The following EYS variants were observed in gnomAD, a reference collection of about 807,000 sequenced individuals.
EYS encodes the protein EGF-like photoreceptor maintenance factor, also known as protein eyes shut homolog.
In EYS, 250 loss-of-function variants were observed where a neutral mutation model predicts 282.1. That is an observed-to-expected ratio of 0.89 (90% CI 0.80 to 0.98). EYS has a LOEUF of 0.98. Among genes scored for constraint, EYS ranks in the 50% least tolerant of loss-of-function variants. The probability of loss-of-function intolerance (pLI) is 0.00; values close to 1 mark genes in which losing one functional copy is unlikely to be tolerated. For synonymous variants in EYS, 1,355 were observed against 1,282.9 expected (o/e 1.06, Z -1.20); for missense variants, 4,016 against 3,709.0 (o/e 1.08, Z -2.15).
chr6:64,168,357 A>T (rs1316379107), intron 31 of EYS, among the ~76,000 whole-genome samples: 1 of 152,228 alleles, frequency 6.6e-6, no homozygotes, highest in Admixed American at 6.5e-5. Flanking sequence ...TTGAATGCAC[A>T]ATGGTGCAGT....
At position 65,705,104 on chromosome 6, in the gene EYS, C is replaced by A. The variant is rs1292020008; in HGVS notation, c.-448+2031G>T. On this transcript the variant is annotated intron_variant, in intron 1 of 42. Transcript: ENST00000503581. ...GCTAGCAAAAACTTGTATGATTAGA[C>A]CACCTTCTCCAGTGTTATATGGGCA... 7.2e-5 allele frequency among the ~76,000 whole-genome samples: 11 copies of A among 152,158 alleles called. No homozygotes were observed. In the East Asian group the frequency reaches 1.9e-3, roughly 27 times the overall value.
At chr6:65,510,881 T>C (rs1041215274) in intron 2 of EYS, among the ~76,000 whole-genome samples, 3 of 152,236 alleles carry the variant, frequency 2.0e-5, no homozygotes, top group Admixed American at 6.5e-5. Flanking sequence ...TTGGTAAATA[T>C]GGTGCAATGT....
intron 26 of EYS, among the ~76,000 whole-genome samples, chr6:64,479,187 C>T (rs1776363436): frequency 6.6e-6 from 1 of 151,882 alleles, no homozygotes; most frequent in Admixed American, 6.6e-5. Flanking sequence ...TTCTTTATGT[C>T]TTTCTAATAA....
At chr6:65,278,735 G>A (rs1159184469) in intron 12 of EYS, among the ~76,000 whole-genome samples, 1 of 151,918 alleles carries the variant, frequency 6.6e-6, no homozygotes, top group Non-Finnish European at 1.5e-5. Flanking sequence ...TGTTTCTATT[G>A]TGCCAGATGA....
intron 30 of EYS, among the ~76,000 whole-genome samples, chr6:64,262,111 T>C: frequency 6.6e-6 from 1 of 152,012 alleles, no homozygotes; most frequent in East Asian, 1.9e-4. Flanking sequence ...ATTGTAAATG[T>C]AATTATGATC....
intron 14 of EYS, among the ~76,000 whole-genome samples, chr6:64,989,936 G>T (rs1394924996): frequency 1.3e-5 from 2 of 150,844 alleles, no homozygotes; most frequent in African/African-American, 4.9e-5. Context: ...TCGTAGGATG[G>T]TTGGCAGAAG....
intron 31 of EYS, among the ~76,000 whole-genome samples, chr6:64,128,214 G>T (rs1470500252): frequency 1.3e-5 from 2 of 152,034 alleles, no homozygotes; most frequent in African/African-American, 4.8e-5. Context: ...AGCTCCTTTG[G>T]ATGTTTCAAT....
At chr6:64,036,506 C>T (rs1770128900) in intron 33 of EYS, among the ~76,000 whole-genome samples, 1 of 152,168 alleles carries the variant, frequency 6.6e-6, no homozygotes, top group Non-Finnish European at 1.5e-5. Flanking sequence ...CAATTTTAAT[C>T]TTAATCTTAT....
At chr6:65,187,584 AT>A in intron 12 of EYS, among the ~76,000 whole-genome samples, 1 of 151,772 alleles carries the variant, frequency 6.6e-6, no homozygotes, top group East Asian at 2.0e-4. Context: ...TTCTGTTATT[AT>A]TTTGTGTTTG....
At chr6:64,158,144 A>G (rs537978066) in intron 31 of EYS, among the ~76,000 whole-genome samples, 1 of 152,268 alleles carries the variant, frequency 6.6e-6, no homozygotes, top group East Asian at 1.9e-4. Context: ...TTTGGGGCTT[A>G]TTTCTGCACA....
chr6:65,460,558 A>C (rs1489262060), intron 5 of EYS, among the ~76,000 whole-genome samples: 1 of 152,070 alleles, frequency 6.6e-6, no homozygotes, highest in African/African-American at 2.4e-5. Context: ...TAATAATGGA[A>C]AAAATGAGAT....
intron 41 of EYS, among the ~76,000 whole-genome samples, chr6:63,740,736 A>T (rs977483612): frequency 2.6e-5 from 4 of 152,230 alleles, no homozygotes; most frequent in African/African-American, 9.6e-5. Context: ...TGTTATGTGC[A>T]TTAAGGTTTT....
chr6:63,914,649 A>G (rs747563449), intron 35 of EYS, among the ~76,000 whole-genome samples: 2 of 151,668 alleles, frequency 1.3e-5, no homozygotes, highest in African/African-American at 2.4e-5. Flanking sequence ...CAGAGATTCC[A>G]GTGAGCCAAG....
chr6:64,648,657 T>TA (rs1458011702), intron 22 of EYS, among the ~76,000 whole-genome samples: 1 of 152,064 alleles, frequency 6.6e-6, no homozygotes, highest in Non-Finnish European at 1.5e-5. Flanking sequence ...AATTACAAGG[T>TA]AAACGATTTA....
In EYS at chr6:64,714,504, T is replaced by TTTTC. The variant is rs1170524195; in HGVS notation, c.3444-88263_3444-88260dup. ...AGCCATTTGACTTATTTGAAACACA[T>TTTTC]TTTCTTTCTTTCTTTTTTTTTTTTT... On this transcript the variant is annotated intron_variant, in intron 22 of 42. Transcript: ENST00000503581. 4.2e-5 allele frequency among the ~76,000 whole-genome samples: 6 copies of TTTTC among 144,320 alleles called. No individual in the cohort carries two copies. In the South Asian group the frequency reaches 8.9e-4, roughly 21 times the overall value. The allele number at this position is 144,320 out of a possible 152,430, so 94.7% of individuals were successfully genotyped here.
At chr6:64,513,194 G>A (rs966523719) in intron 26 of EYS, among the ~76,000 whole-genome samples, 1 of 151,660 alleles carries the variant, frequency 6.6e-6, no homozygotes, top group Non-Finnish European at 1.5e-5. Flanking sequence ...TTTCATAATA[G>A]ATAATTAAAA....
rs117213635 is a variant in EYS at position 65,220,189 on chromosome 6, G to A, written c.2023+75674C>T. On this transcript the variant is annotated intron_variant, in intron 12 of 42. Transcript: ENST00000503581. ...TGTTTACATCAAAAAGACTACTTGC[G>A]ATTTTTAATGACTGTGATTTTATTT... 3.9e-5 allele frequency among the ~76,000 whole-genome samples: 6 copies of A among 151,902 alleles called. No homozygotes were observed. The East Asian group carries it at 9.7e-4, about 25-fold the overall frequency.
intron 39 of EYS, among the ~76,000 whole-genome samples, chr6:63,783,608 A>T (rs1364925500): frequency 6.6e-6 from 1 of 152,224 alleles, no homozygotes; most frequent in African/African-American, 2.4e-5. Context: ...TGAAATGCTA[A>T]GTGGGAAAAG....
chr6:63,861,088 A>G (rs754500111), intron 36 of EYS, among the ~76,000 whole-genome samples: 9 of 152,106 alleles, frequency 5.9e-5, no homozygotes, highest in Non-Finnish European at 1.3e-4. Context: ...TCTACATATC[A>G]TCTCCCTTTG....
Sources: allele counts gnomAD v4.1 joint callset (sites outside exome capture counted in the v4.1 genomes callset), GRCh38; gene constraint gnomAD v4.1.1; transcripts MANE v1.5; gene names NCBI Gene and HGNC (gene_info 2026-07-23, HGNC 2026-07-21).